The following CUEDC1 variants were observed in gnomAD, a reference collection of about 807,000 sequenced individuals.
CUEDC1 encodes CUE domain-containing protein 1.
In CUEDC1, 30 loss-of-function variants were observed where a neutral mutation model predicts 43.7. That is an observed-to-expected ratio of 0.69 (90% CI 0.51 to 0.93). The LOEUF is 0.93. Ranked by LOEUF, CUEDC1 falls within the 40% of genes least tolerant of loss-of-function variation. The pLI is 0.00. For synonymous variants in CUEDC1, 223 were observed against 223.6 expected (o/e 1.00, Z 0.02); for missense variants, 486 against 549.0 (o/e 0.89, Z 1.15).
At chr17:57,944,004 T>A (rs1364720708) in intron 1 of CUEDC1, among the ~76,000 whole-genome samples, 1 of 152,086 alleles carries the variant, frequency 6.6e-6, no homozygotes, top group Non-Finnish European at 1.5e-5. Flanking sequence ...TCCTGCCTCC[T>A]CAGCTAACTA....
At chr17:57,886,070 C>A (rs2074287302) in intron 1 of CUEDC1, among the ~76,000 whole-genome samples, 191 bp from the exon 2 acceptor site, 1 of 152,218 alleles carries the variant, frequency 6.6e-6, no homozygotes, top group Non-Finnish European at 1.5e-5. Flanking sequence ...TAGCACAGGA[C>A]AGCCACCAGT....
chr17:57,933,963 CA>C (rs760895404), intron 1 of CUEDC1, among the ~76,000 whole-genome samples: 3 of 152,136 alleles, frequency 2.0e-5, no homozygotes, highest in Non-Finnish European at 2.9e-5. Flanking sequence ...CCATCCTGCT[CA>C]CCACCTCTTC....
In CUEDC1 at chr17:57,887,403, T is replaced by C. The variant is rs371516055; in HGVS notation, c.-315-1524A>G. ...GTGGCAGCTTTATTTTAAGGGACAATTCCATCAAATAATATCCTTGAGTTT... is the reference window on the plus strand; with the variant it reads ...GTGGCAGCTTTATTTTAAGGGACAACTCCATCAAATAATATCCTTGAGTTT... On this transcript the variant is annotated intron_variant, in intron 1 of 10. Coordinates refer to ENST00000577830, the MANE Select transcript of CUEDC1 (RefSeq NM_001271875.2). Among the ~76,000 whole-genome samples the C allele has an allele frequency of 3.3e-5, 5 of 152,306 alleles. No individual in the cohort carries two copies. The East Asian group carries it at 7.7e-4, about 24-fold the overall frequency.
chr17:57,921,753 A>G (rs2074700262), intron 1 of CUEDC1, among the ~76,000 whole-genome samples: 1 of 152,136 alleles, frequency 6.6e-6, no homozygotes, highest in Non-Finnish European at 1.5e-5. Context: ...TCTTAGAGCA[A>G]AAGACCTGGG....
At chr17:57,878,359 G>A (rs542507993) in intron 3 of CUEDC1, among the ~76,000 whole-genome samples, 71 of 152,274 alleles carry the variant, frequency 4.7e-4, no homozygotes, top group Non-Finnish European at 9.1e-4. Flanking sequence ...AACCTGCTCC[G>A]TTTCTGGCAT....
rs2074489335 is a variant in CUEDC1 at position 57,902,925 on chromosome 17, G to C, written c.-315-17046C>G. 2.0e-5 allele frequency: 3 copies of C among 152,258 alleles called. No individual in the cohort carries two copies. In the South Asian group the frequency reaches 6.2e-4, roughly 32 times the overall value. 9.4% of individuals were successfully genotyped at this position (152,258 alleles called of 1,614,324 possible). ...CAAGTCTCGCAGCCAGGAGTAACCA[G>C]GTCAGGATTCTACCCCAGAGCCCAC... On this transcript the variant is annotated intron_variant, in intron 1 of 10. Coordinates refer to ENST00000577830, the MANE Select transcript of CUEDC1 (RefSeq NM_001271875.2).
At chr17:57,936,364 G>A (rs993813605) in intron 1 of CUEDC1, among the ~76,000 whole-genome samples, 2 of 152,196 alleles carry the variant, frequency 1.3e-5, no homozygotes, top group African/African-American at 2.4e-5. Flanking sequence ...CAATTGCTCT[G>A]TGGTCAGAGC....
intron 1 of CUEDC1, among the ~76,000 whole-genome samples, chr17:57,914,590 G>A (rs974774590): frequency 6.6e-6 from 1 of 152,176 alleles, no homozygotes; most frequent in Admixed American, 6.5e-5. Context: ...GGGAGCTCCT[G>A]GAGCTCGATT....
intron 1 of CUEDC1, among the ~76,000 whole-genome samples, chr17:57,888,331 C>T (rs184861275): frequency 7.2e-5 from 11 of 152,330 alleles, no homozygotes; most frequent in East Asian, 1.9e-4. Context: ...TGTCAGAATA[C>T]GTAGGGCTAC....
chr17:57,893,706 G>A (rs2074380430), intron 1 of CUEDC1, among the ~76,000 whole-genome samples: 1 of 152,232 alleles, frequency 6.6e-6, no homozygotes, highest in East Asian at 1.9e-4. Flanking sequence ...TAGGGGAGGA[G>A]GAGGAGGAGC....
At chr17:57,909,535 G>A (rs965508147) in intron 1 of CUEDC1, among the ~76,000 whole-genome samples, 1 of 152,222 alleles carries the variant, frequency 6.6e-6, no homozygotes, top group Non-Finnish European at 1.5e-5. Flanking sequence ...GCTGGGGTGA[G>A]CTCTGTGTCC....
intron 3 of CUEDC1, 76 bp downstream of exon 3, chr17:57,879,535 G>T: frequency 6.8e-7 from 1 of 1,475,256 alleles, no homozygotes; most frequent in Non-Finnish European, 8.9e-7. Flanking sequence ...GCCAAGTTTC[G>T]TGTTGTTTGT....
rs1390495482 is a variant in CUEDC1 at position 57,861,885 on chromosome 17, G to A, written c.*1404C>T. 4.0e-5 allele frequency: 6 copies of A among 151,676 alleles called. No individual in the cohort carries two copies. Among genetic ancestry groups the A allele is most frequent in the African/African-American group, 9.7e-5 (4 of 41,278 alleles). 9.4% of individuals were successfully genotyped at this position (151,676 alleles called of 1,614,324 possible). On this transcript the variant is annotated 3_prime_UTR_variant, in exon 11 of 11. Coordinates refer to ENST00000577830, the MANE Select transcript of CUEDC1 (RefSeq NM_001271875.2). ...ACCGCTCCTCGGCAGGGCCCCCCGA[G>A]CCAGCGTCCCGGCCCCGCGCGCGTT... is the stretch of plus-strand genomic sequence containing the variant.
At chr17:57,888,902 C>T (rs930218437) in intron 1 of CUEDC1, among the ~76,000 whole-genome samples, 3 of 152,210 alleles carry the variant, frequency 2.0e-5, no homozygotes, top group South Asian at 2.1e-4. Context: ...GGCAATCCCT[C>T]GGAGAAAGAT....
At chr17:57,921,931 G>T (rs977858491) in intron 1 of CUEDC1, among the ~76,000 whole-genome samples, 1 of 152,146 alleles carries the variant, frequency 6.6e-6, no homozygotes, top group African/African-American at 2.4e-5. Context: ...TGGCCAACAT[G>T]GTGAAACCCT....
At chr17:57,878,404 T>G (rs1221482861) in intron 3 of CUEDC1, among the ~76,000 whole-genome samples, 1 of 152,152 alleles carries the variant, frequency 6.6e-6, no homozygotes, top group Non-Finnish European at 1.5e-5. Context: ...GCTACACTTG[T>G]ATGATAACAG....
chr17:57,866,602 G>A (rs775189342), intron 9 of CUEDC1, 58 bp from the exon 10 acceptor site: 138 of 1,574,588 alleles, frequency 8.8e-5, no homozygotes, highest in Middle Eastern at 3.3e-4. Context: ...GCTCAGGCAC[G>A]GCCCCTAGAC....
At chr17:57,902,276 C>G (rs547326197) in intron 1 of CUEDC1, among the ~76,000 whole-genome samples, 2 of 152,134 alleles carry the variant, frequency 1.3e-5, no homozygotes, top group African/African-American at 4.8e-5. Context: ...TTGCAGTGAC[C>G]TGAGATCACA....
chr17:57,871,796 C>T (rs1218831417), intron 5 of CUEDC1, among the ~76,000 whole-genome samples: 1 of 152,136 alleles, frequency 6.6e-6, no homozygotes, highest in African/African-American at 2.4e-5. Context: ...CGGTGGCGTG[C>T]GCCTATAATC....
Sources: gnomAD v4.1 joint callset for allele counts (sites outside exome capture counted in the v4.1 genomes callset) on GRCh38, gnomAD v4.1.1 for gene constraint, MANE v1.5 for transcripts, NCBI Gene and HGNC (gene_info 2026-07-23, HGNC 2026-07-21) for gene names.